SYNJ2: variants seen among roughly 807,000 people sequenced by gnomAD.
SYNJ2 encodes polyphosphatidylinositol phosphatase SYNJ2.
A neutral mutation model predicts 141.3 loss-of-function variants in SYNJ2; 116 were observed. The observed-to-expected ratio is 0.82, with a 90% confidence interval of 0.71 to 0.96. The LOEUF is 0.96. Among genes scored for constraint, SYNJ2 ranks in the 40% least tolerant of loss-of-function variants. The probability of loss-of-function intolerance (pLI) is 0.00; values close to 1 mark genes in which losing one functional copy is unlikely to be tolerated. For synonymous variants in SYNJ2, 745 were observed against 777.7 expected (o/e 0.96, Z 0.70); for missense variants, 1,873 against 1,934.8 (o/e 0.97, Z 0.60).
chr6:158,026,953 T>C (rs937967811), intron 2 of SYNJ2: 2 of 985,330 alleles, frequency 2.0e-6, no homozygotes, highest in Non-Finnish European at 2.4e-6. Flanking sequence ...CCCAGTGTGA[T>C]AACTTCCTTT....
At chr6:158,018,579 T>A (rs1049648713) in intron 2 of SYNJ2, among the ~76,000 whole-genome samples, 5 of 152,224 alleles carry the variant, frequency 3.3e-5, no homozygotes, top group Non-Finnish European at 1.5e-5. Context: ...GGAATGTTTT[T>A]CCCTGAACTG....
chr6:157,988,536 G>A (rs1583278750), intron 1 of SYNJ2, among the ~76,000 whole-genome samples: 1 of 152,162 alleles, frequency 6.6e-6, no homozygotes, highest in African/African-American at 2.4e-5. Flanking sequence ...GTCCCAGCCC[G>A]TGTCTCTCTG....
rs142169833 is a variant in SYNJ2 at position 158,027,193 on chromosome 6, G to A, written c.215-1563G>A. On this transcript the variant is annotated intron_variant, in intron 2 of 26. Coordinates refer to ENST00000355585, the MANE Select transcript of SYNJ2 (RefSeq NM_003898.4). The surrounding 1 kb of genome is among the most constrained non-coding windows in gnomAD (Gnocchi z 4.6). ...GAGGAAATTGGGGTGAGAGGGTGGT[G>A]GAACTGGTTGTTTTGGGGGTCTCTT... 76 of 985,100 alleles carry A rather than the reference G, an allele frequency of 7.7e-5. No homozygotes were observed. In the African/African-American group the frequency reaches 1.2e-3, roughly 15 times the overall value. The allele number at this position is 985,100 out of a possible 1,614,324, so 61.0% of individuals were successfully genotyped here.
At chr6:158,091,369 C>T (rs1386897507) in intron 25 of SYNJ2, among the ~76,000 whole-genome samples, 2 of 151,520 alleles carry the variant, frequency 1.3e-5, no homozygotes, top group Non-Finnish European at 2.9e-5. Flanking sequence ...ATATAACAAC[C>T]CAAGTGTCCA....
At chr6:158,053,274 C>T (rs1236207675) in intron 5 of SYNJ2, among the ~76,000 whole-genome samples, 2 of 152,238 alleles carry the variant, frequency 1.3e-5, no homozygotes, top group Admixed American at 6.5e-5. Flanking sequence ...TCTCCACTTA[C>T]GGTTAATATG....
intron 1 of SYNJ2, among the ~76,000 whole-genome samples, chr6:158,004,774 C>T (rs1021878578): frequency 2.0e-5 from 3 of 152,194 alleles, no homozygotes; most frequent in African/African-American, 7.2e-5. Context: ...TCCAGTAACA[C>T]CACGAGACTG....
At chr6:157,984,458 G>A (rs1273307337) in intron 1 of SYNJ2, among the ~76,000 whole-genome samples, 2 of 152,154 alleles carry the variant, frequency 1.3e-5, no homozygotes, top group African/African-American at 2.4e-5. Context: ...GAGTGAAGTG[G>A]TGCGATCTCG....
intron 2 of SYNJ2, among the ~76,000 whole-genome samples, chr6:158,021,489 C>T (rs887147485): frequency 1.3e-5 from 2 of 152,210 alleles, no homozygotes; most frequent in African/African-American, 2.4e-5. Flanking sequence ...AGAGTGTGGC[C>T]TGGGGACGCT....
intron 1 of SYNJ2, among the ~76,000 whole-genome samples, chr6:158,016,707 C>T (rs533907855): frequency 1.3e-5 from 2 of 152,186 alleles, no homozygotes; most frequent in African/African-American, 4.8e-5. Flanking sequence ...CTGCCAAAGA[C>T]CCGGCAGGCA....
intron 4 of SYNJ2, among the ~76,000 whole-genome samples, chr6:158,042,662 G>A (rs1193437726): frequency 6.6e-6 from 1 of 152,254 alleles, no homozygotes; most frequent in African/African-American, 2.4e-5. Context: ...GGAGGAGATA[G>A]ATGTCTTAAA....
chr6:158,094,942 G>A (rs1374779653), intron 26 of SYNJ2, among the ~76,000 whole-genome samples: 2 of 152,214 alleles, frequency 1.3e-5, no homozygotes, highest in Admixed American at 6.5e-5. Flanking sequence ...GAGGTCAGGA[G>A]TTCAAGACCA....
At position 158,078,154 on chromosome 6, in the gene SYNJ2, C is replaced by A; in HGVS notation, c.2450-10C>A. The A allele has an allele frequency of 6.4e-7, 1 of 1,568,378 alleles. No homozygotes were observed. The highest frequency in any genetic ancestry group is 8.8e-7 in the Non-Finnish European group (1 of 1,138,956). On this transcript the variant is annotated splice_polypyrimidine_tract_variant and intron_variant, in intron 17 of 26. Coordinates refer to ENST00000355585, the MANE Select transcript of SYNJ2 (RefSeq NM_003898.4). ...TATATGGGTCTCTCGAATGGAACCC[C>A]TGCGAGTAGCTGGAGAACTCAACCT...
intron 22 of SYNJ2, 89 bp from the exon 23 acceptor site, chr6:158,086,766 C>A: frequency 6.9e-7 from 1 of 1,445,740 alleles, no homozygotes; most frequent in Non-Finnish European, 9.3e-7. Context: ...GGTCCCCCTG[C>A]CACAGTCGGC....
intron 2 of SYNJ2, among the ~76,000 whole-genome samples, chr6:158,020,316 A>T (rs1778698754): frequency 6.7e-6 from 1 of 148,294 alleles, no homozygotes; most frequent in Non-Finnish European, 1.5e-5. Context: ...TGTGACTCCA[A>T]CTGTGGACTG....
intron 1 of SYNJ2, among the ~76,000 whole-genome samples, chr6:158,016,637 T>C (rs1486837757): frequency 6.6e-6 from 1 of 152,190 alleles, no homozygotes; most frequent in Non-Finnish European, 1.5e-5. Flanking sequence ...CTAATGGTTC[T>C]TCCCTCTGTC....
At chr6:158,036,396 A>T (rs1423695410) in intron 4 of SYNJ2, among the ~76,000 whole-genome samples, 1 of 152,234 alleles carries the variant, frequency 6.6e-6, no homozygotes, top group East Asian at 1.9e-4. Context: ...CTGGATAAAG[A>T]AAATGTGGTT....
chr6:158,029,196 C>T, intron 3 of SYNJ2, 170 bp downstream of exon 3: 5 of 835,084 alleles, frequency 6.0e-6, no homozygotes, highest in Middle Eastern at 3.8e-4. Context: ...GAAAACTAAC[C>T]CTGAACTCCC....
chr6:157,985,807 A>T (rs555681131), intron 1 of SYNJ2, among the ~76,000 whole-genome samples: 74 of 152,164 alleles, frequency 4.9e-4, no homozygotes, highest in Non-Finnish European at 9.0e-4. Flanking sequence ...TTTGCTGTGA[A>T]CAGGCAGCAG....
Position 158,087,000 on chromosome 6 carries a change from G to T in SYNJ2, c.3343+11G>T. 3.2e-6 allele frequency: 5 copies of T among 1,580,630 alleles called. No homozygotes were observed. Among genetic ancestry groups the T allele is most frequent in the Non-Finnish European group, 4.3e-6 (5 of 1,168,784 alleles). Reference sequence around the variant, plus strand: ...GACCCCCCCCTCCAAGTAAGACTCTGCTTGCTTTCAGCTCCCTGGATGCCT... The same window carrying T: ...GACCCCCCCCTCCAAGTAAGACTCTTCTTGCTTTCAGCTCCCTGGATGCCT... On this transcript the variant is annotated intron_variant, in intron 23 of 26. Coordinates refer to ENST00000355585, the MANE Select transcript of SYNJ2 (RefSeq NM_003898.4).
Sources: gnomAD v4.1 joint callset for allele counts (sites outside exome capture counted in the v4.1 genomes callset) on GRCh38, gnomAD v4.1.1 for gene constraint, Gnocchi (gnomAD v3.1) non-coding constraint, MANE v1.5 for transcripts, NCBI Gene and HGNC (gene_info 2026-07-23, HGNC 2026-07-21) for gene names.